Variants in C18orf63 observed in about 807,000 individuals in gnomAD.
C18orf63 encodes the protein chromosome 18 open reading frame 63.
C18orf63 carries 50 observed loss-of-function variants against 75.3 expected under a neutral mutation model. The ratio of observed to expected loss-of-function variants is 0.66; its 90% CI spans 0.53 to 0.84. The LOEUF (loss-of-function observed/expected upper bound fraction) is 0.84, where lower values mean the gene tolerates loss of function less well. C18orf63 is among the 40% of genes least tolerant of loss of function. C18orf63 has a pLI of 0.00. For synonymous variants in C18orf63, 232 were observed against 267.6 expected (o/e 0.87, Z 1.30); for missense variants, 732 against 800.2 (o/e 0.91, Z 1.03).
At chr18:74,329,284 G>A (rs1272246556) in intron 6 of C18orf63, among the ~76,000 whole-genome samples, 3 of 149,298 alleles carry the variant, frequency 2.0e-5, no homozygotes, top group Non-Finnish European at 4.4e-5. Context: ...CTGAAGTGGA[G>A]AGCCAGTTGA....
At chr18:74,330,828 A>G in intron 6 of C18orf63, 38 bp from the exon 7 acceptor site, 1 of 756,944 alleles carries the variant, frequency 1.3e-6, no homozygotes, top group Admixed American at 3.0e-5. Flanking sequence ...GTAGAGTAAT[A>G]ATTCCAGGTA....
chr18:74,343,815 A>C (rs11151947), intron 11 of C18orf63, 113 bp downstream of exon 11: 371,443 of 500,112 alleles, frequency 0.74, 138,588 homozygotes, highest in Non-Finnish European at 0.76. Context: ...TAATTCTTTT[A>C]TCTCAGTTCA....
intron 7 of C18orf63, among the ~76,000 whole-genome samples, chr18:74,335,392 T>C (rs1242857423): frequency 3.9e-5 from 6 of 152,132 alleles, no homozygotes; most frequent in Non-Finnish European, 8.8e-5. Context: ...CCCTTATCTT[T>C]ACAATTTAAA....
intron 11 of C18orf63, among the ~76,000 whole-genome samples, chr18:74,350,372 G>C (rs1293343276): frequency 6.6e-6 from 1 of 152,084 alleles, no homozygotes; most frequent in Non-Finnish European, 1.5e-5. Context: ...TTGACATAGG[G>C]TCACTGCAGA....
intron 7 of C18orf63, among the ~76,000 whole-genome samples, chr18:74,334,473 A>G (rs1036316243): frequency 6.6e-6 from 1 of 152,134 alleles, no homozygotes; most frequent in Non-Finnish European, 1.5e-5. Context: ...GTAAATCTAC[A>G]TTTACAGTAA....
chr18:74,322,772 A>G lies in C18orf63; in HGVS notation c.270+18A>G. Reference sequence around the variant, plus strand: ...GAGCTAAGGTAAGTGTTAAAAAATGATATTAATACCATATGTTGTTTATAG... The same window carrying G: ...GAGCTAAGGTAAGTGTTAAAAAATGGTATTAATACCATATGTTGTTTATAG... On this transcript the variant is annotated intron_variant, in intron 4 of 13. Coordinates refer to ENST00000579455, the MANE Select transcript of C18orf63 (RefSeq NM_001174123.2). 1 of 1,073,136 alleles carries G rather than the reference A, an allele frequency of 9.3e-7. No homozygotes were observed. The highest frequency in any genetic ancestry group is 1.3e-6 in the Non-Finnish European group (1 of 757,616). 66.5% of individuals were successfully genotyped at this position (1,073,136 alleles called of 1,614,324 possible).
At chr18:74,321,099 T>C (rs1202948312) in intron 3 of C18orf63, among the ~76,000 whole-genome samples, 2 of 152,212 alleles carry the variant, frequency 1.3e-5, no homozygotes, top group East Asian at 3.8e-4. Context: ...CAAAAATCTT[T>C]CTAAAAATCA....
chr18:74,348,154 T>A (rs1317701607), intron 11 of C18orf63, among the ~76,000 whole-genome samples: 2 of 152,192 alleles, frequency 1.3e-5, no homozygotes, highest in Non-Finnish European at 2.9e-5. Flanking sequence ...TAATTTTATG[T>A]ATGTCTCTTA....
intron 6 of C18orf63, among the ~76,000 whole-genome samples, chr18:74,329,287 C>A (rs1340146689): frequency 6.7e-6 from 1 of 150,122 alleles, no homozygotes; most frequent in Non-Finnish European, 1.5e-5. Flanking sequence ...AAGTGGAGAG[C>A]CAGTTGAGCA....
Position 74,329,055 on chromosome 18 carries a change from G to A in C18orf63, c.424+19G>A. 1 of 1,419,096 alleles carries A rather than the reference G, an allele frequency of 7.0e-7. No homozygotes were observed. Among genetic ancestry groups the A allele is most frequent in the Non-Finnish European group, 9.6e-7 (1 of 1,040,684 alleles). The allele number at this position is 1,419,096 out of a possible 1,614,324, so 87.9% of individuals were successfully genotyped here. On this transcript the variant is annotated intron_variant, in intron 6 of 13. Transcript: ENST00000579455. ...GCTGTTGGTAAGTAAAAATGCATAA[G>A]TCAATAGATAAAACAATATAATTCA...
chr18:74,319,804 C>T (rs1984088869), intron 2 of C18orf63, among the ~76,000 whole-genome samples: 1 of 152,070 alleles, frequency 6.6e-6, no homozygotes, highest in South Asian at 2.1e-4. Flanking sequence ...AGATTCTTCA[C>T]TGTGTGTAGA....
Position 74,327,996 on chromosome 18 carries a change from CAT to C in C18orf63, c.323_324del (p.Tyr108PhefsTer5). Reference sequence around the variant, plus strand: ...CCTGTAATTCTTCAGAACTGCCTGTCATATTCATTCATGGCTAGACTTGCTCC... The same window carrying C: ...CCTGTAATTCTTCAGAACTGCCTGTCATTCATTCATGGCTAGACTTGCTCC... On this transcript the variant is annotated frameshift_variant, in exon 5 of 14. Transcript: ENST00000579455. LOFTEE classifies it high-confidence loss of function. 1 of 1,535,646 alleles carries C rather than the reference CAT, an allele frequency of 6.5e-7. No homozygotes were observed. The highest frequency in any genetic ancestry group is 8.7e-7 in the Non-Finnish European group (1 of 1,146,494).
intron 7 of C18orf63, among the ~76,000 whole-genome samples, chr18:74,337,966 A>G (rs1984418964): frequency 6.6e-6 from 1 of 152,132 alleles, no homozygotes; most frequent in South Asian, 2.1e-4. Flanking sequence ...AAGTTAGAAC[A>G]TTGTTTCCCA....
At chr18:74,333,933 T>G (rs1984350621) in intron 7 of C18orf63, among the ~76,000 whole-genome samples, 1 of 152,230 alleles carries the variant, frequency 6.6e-6, no homozygotes, top group Admixed American at 6.5e-5. Context: ...GTTCATCAGC[T>G]TCTCTGAATC....
chr18:74,317,887 T>C lies in C18orf63; in HGVS notation c.22T>C (p.Ser8Pro), dbSNP rs947430346. ...AAGTATGAATGATTCTAGGCAGCAG[T>C]CTCTGTTCTTCATCACACTTCCAGA... Reference protein sequence around the residue: MNDSRQQSLFFITLPDLN... With the variant: MNDSRQQPLFFITLPDLN... The change falls in exon 2 of 14, where the codon TCT becomes CCT. Residue 8 changes from serine (S) to proline (P), a missense_variant. Ser to Pro is a moderately conservative substitution (Grantham distance 74, BLOSUM62 -1). Transcript: ENST00000579455. 1 of 1,534,432 alleles carries C rather than the reference T, an allele frequency of 6.5e-7. No homozygotes were observed. Among genetic ancestry groups the C allele is most frequent in the South Asian group, 1.2e-5 (1 of 83,468 alleles).
Position 74,353,621 on chromosome 18 carries a change from G to GT in C18orf63, c.1355dup (p.Leu453ThrfsTer10). The GT allele has an allele frequency of 6.5e-7, 1 of 1,536,152 alleles. No homozygotes were observed. The stretch of plus-strand genomic sequence containing the variant: ...GTTACAAATGAACAAAAATACCTCA[G>GT]TACTTGGCAGCCCAAAAAGAAAACA... On this transcript the variant is annotated frameshift_variant, in exon 12 of 14. Coordinates refer to ENST00000579455, the MANE Select transcript of C18orf63 (RefSeq NM_001174123.2). LOFTEE classifies it high-confidence loss of function.
chr18:74,330,964 A>G (rs530330031), intron 7 of C18orf63, 22 bp downstream of exon 7: 5 of 1,029,454 alleles, frequency 4.9e-6, no homozygotes, highest in East Asian at 2.9e-5. Flanking sequence ...TGTGATTTCT[A>G]TACTTTATTA....
rs1255431013 is a variant in C18orf63, at chr18:74,338,518, A to G, written c.502-197A>G. Among the ~76,000 whole-genome samples the G allele has an allele frequency of 5.1e-4, 77 of 152,276 alleles. 1 individual carries two copies. On this transcript the variant is annotated intron_variant, in intron 7 of 13. Coordinates refer to ENST00000579455, the MANE Select transcript of C18orf63 (RefSeq NM_001174123.2). ...AGAGGGAAAGCATGAAATACTTCAT[A>G]TATTGTATAAAGGAGAAGCAGGGTG...
rs1351118898 is a variant in C18orf63 at position 74,353,940 on chromosome 18, TA to T, written c.1678del (p.Ser560ValfsTer7). Reference protein sequence around the residue: ...FVVSNNNLGVVKSAVDFQMKG... With the variant: ...FVVSNNNLGVXKSAVDFQMKG... Reference sequence around the variant, plus strand: ...GTGTCAAATAACAATTTAGGGGTGGTAAAAAGTGCTGTTGACTTCCAAATGA... The same window carrying T: ...GTGTCAAATAACAATTTAGGGGTGGTAAAAGTGCTGTTGACTTCCAAATGA... On this transcript the variant is annotated frameshift_variant, in exon 12 of 14. Coordinates refer to ENST00000579455, the MANE Select transcript of C18orf63 (RefSeq NM_001174123.2). LOFTEE classifies it high-confidence loss of function. 2.0e-6 allele frequency: 3 copies of T among 1,536,006 alleles called. No individual in the cohort carries two copies. The highest frequency in any genetic ancestry group is 2.6e-6 in the Non-Finnish European group (3 of 1,146,874).
Sources: gnomAD v4.1 joint callset for allele counts (sites outside exome capture counted in the v4.1 genomes callset) on GRCh38, gnomAD v4.1.1 for gene constraint, MANE v1.5 for transcripts, NCBI Gene and HGNC (gene_info 2026-07-23, HGNC 2026-07-21) for gene names.